The following MYO6 variants were observed in gnomAD, a reference collection of about 807,000 sequenced individuals.
MYO6 encodes the protein myosin VI.
A neutral mutation model predicts 178.7 loss-of-function variants in MYO6; 74 were observed. The observed-to-expected ratio is 0.41, with a 90% CI of 0.34 to 0.50. The LOEUF (loss-of-function observed/expected upper bound fraction) is 0.50, where lower values mean the gene tolerates loss of function less well. Among genes scored for constraint, MYO6 ranks in the 20% least tolerant of loss-of-function variants. The pLI is 0.09. For missense variants in MYO6, 1,330 were observed against 1,547.4 expected, an observed-to-expected ratio of 0.86 and a Z score of 2.36; for synonymous variants, 477 against 504.6, an observed-to-expected ratio of 0.95 and a Z score of 0.73.
chr6:75,841,518 G>A, intron 9 of MYO6, 140 bp downstream of exon 9: 1 of 721,398 alleles, frequency 1.4e-6, no homozygotes, highest in South Asian at 1.9e-5. Flanking sequence ...GCGAGACCCT[G>A]TCTCTAAAAA....
At chr6:75,814,772 T>C (rs1321497401) in intron 1 of MYO6, among the ~76,000 whole-genome samples, 1 of 151,470 alleles carries the variant, frequency 6.6e-6, no homozygotes, top group Admixed American at 6.6e-5. Flanking sequence ...AATAGGAGAA[T>C]GTCTTGAACG....
At chr6:75,773,491 A>G (rs58962413) in intron 1 of MYO6, among the ~76,000 whole-genome samples, 165 of 152,352 alleles carry the variant, frequency 1.1e-3, no homozygotes, top group African/African-American at 3.9e-3. Flanking sequence ...AGAAGGCTTG[A>G]TCTTCAGCTG....
intron 18 of MYO6, among the ~76,000 whole-genome samples, chr6:75,868,007 C>G (rs1247311005): frequency 6.6e-6 from 1 of 152,008 alleles, no homozygotes; most frequent in Non-Finnish European, 1.5e-5. Context: ...TATAATAAAA[C>G]TCTACATTTG....
chr6:75,848,689 G>C (rs6905578), intron 11 of MYO6, among the ~76,000 whole-genome samples, 158 bp downstream of exon 11: 66 of 149,624 alleles, frequency 4.4e-4, no homozygotes, highest in African/African-American at 1.6e-3. Flanking sequence ...AATGAAGAAT[G>C]TTTCATTATC....
At chr6:75,911,588 G>A in intron 32 of MYO6, 84 bp from the exon 33 acceptor site, 1 of 1,207,720 alleles carries the variant, frequency 8.3e-7, no homozygotes, top group East Asian at 2.4e-5. Context: ...CACCTCGATT[G>A]GAAGGCTTTA....
Position 75,822,777 on chromosome 6 carries a change from G to A in MYO6, c.118-5G>A, listed in dbSNP as rs1217392324. 2 of 1,612,698 alleles carry A rather than the reference G, an allele frequency of 1.2e-6. No homozygotes were observed. The highest frequency in any genetic ancestry group is 1.3e-5 in the African/African-American group (1 of 74,978). On this transcript the variant is annotated splice_region_variant and splice_polypyrimidine_tract_variant and intron_variant, in intron 2 of 34. Transcript: ENST00000369977. ...AGTTTAATGAGCATTTGTTTTGCTT[G>A]TTAGACATTTTTGGCTCTCATAAAC...
At chr6:75,880,279 A>C (rs1348595815) in intron 22 of MYO6, among the ~76,000 whole-genome samples, 159 bp downstream of exon 22, 1 of 152,220 alleles carries the variant, frequency 6.6e-6, no homozygotes, top group Non-Finnish European at 1.5e-5. Flanking sequence ...AGAAAAGAAA[A>C]AAAAGTTGAG....
intron 1 of MYO6, among the ~76,000 whole-genome samples, chr6:75,765,520 G>C (rs368643134): frequency 1.9e-4 from 29 of 151,990 alleles, no homozygotes; most frequent in African/African-American, 6.5e-4. Flanking sequence ...ATAAAATTCT[G>C]TAGGGAAGAA....
chr6:75,836,587 CTT>C (rs575271701), intron 7 of MYO6, among the ~76,000 whole-genome samples: 8 of 143,054 alleles, frequency 5.6e-5, no homozygotes, highest in Admixed American at 7.0e-5. Flanking sequence ...TTTTTCTTTT[CTT>C]TTTTTTTTTT....
At chr6:75,894,306 A>G (rs1779126114) in intron 28 of MYO6, among the ~76,000 whole-genome samples, 1 of 152,220 alleles carries the variant, frequency 6.6e-6, no homozygotes, top group Non-Finnish European at 1.5e-5. Flanking sequence ...CTGTAATTTA[A>G]ATTAAGCAGA....
chr6:75,793,346 T>G (rs1170314221), intron 1 of MYO6, among the ~76,000 whole-genome samples: 1 of 152,208 alleles, frequency 6.6e-6, no homozygotes, highest in Non-Finnish European at 1.5e-5. Flanking sequence ...GGCTCACGCT[T>G]GTAATCCCAG....
rs114800028 is a variant in MYO6 at position 75,850,782 on chromosome 6, G to A, written c.1078+2251G>A. On this transcript the variant is annotated intron_variant, in intron 11 of 34. Transcript: ENST00000369977. ...TACCTCATGTTGTAAAGAGGAATAC[G>A]CGAGTTAAATATTTGTAAATGATTT... Among the ~76,000 whole-genome samples the A allele has an allele frequency of 3.3e-3, 502 of 152,152 alleles. 5 individuals are homozygous for A. Among genetic ancestry groups the A allele is most frequent in the African/African-American group, 0.012 (485 of 41,532 alleles).
intron 25 of MYO6, among the ~76,000 whole-genome samples, chr6:75,887,346 T>G (rs1778513871): frequency 1.3e-5 from 2 of 151,980 alleles, no homozygotes; most frequent in Admixed American, 1.3e-4. Flanking sequence ...TCCCTGAAAT[T>G]AAAATAAAAG....
chr6:75,908,860 A>C (rs1439645167), intron 32 of MYO6, among the ~76,000 whole-genome samples: 1 of 152,102 alleles, frequency 6.6e-6, no homozygotes, highest in East Asian at 1.9e-4. Flanking sequence ...TTGAGACAAG[A>C]ATTTTCTTGT....
intron 13 of MYO6, 135 bp from the exon 14 acceptor site, chr6:75,858,767 T>C: frequency 1.6e-6 from 1 of 628,040 alleles, no homozygotes; most frequent in Non-Finnish European, 2.8e-6. Context: ...TTGGGAAGTA[T>C]AGAACAAATA....
intron 1 of MYO6, among the ~76,000 whole-genome samples, chr6:75,781,426 C>T (rs1298970017): frequency 1.3e-5 from 2 of 152,098 alleles, no homozygotes; most frequent in African/African-American, 2.4e-5. Flanking sequence ...TTGTGCACAG[C>T]AGATATGCTA....
intron 1 of MYO6, among the ~76,000 whole-genome samples, chr6:75,750,387 G>C (rs1311789738): frequency 6.6e-6 from 1 of 151,912 alleles, no homozygotes; most frequent in Non-Finnish European, 1.5e-5. Context: ...GAGCCACTGC[G>C]CCTGGCCAAA....
At chr6:75,882,238 T>C (rs1291982857) in intron 23 of MYO6, among the ~76,000 whole-genome samples, 2 of 152,214 alleles carry the variant, frequency 1.3e-5, no homozygotes, top group Admixed American at 6.5e-5. Flanking sequence ...TCCTGTTGAT[T>C]CCTTCTCCAA....
intron 6 of MYO6, among the ~76,000 whole-genome samples, chr6:75,835,599 T>G (rs1209401991): frequency 6.6e-6 from 1 of 152,060 alleles, no homozygotes. Flanking sequence ...GCCTGGCTAA[T>G]TTTTTGTATT....
Sources: allele counts gnomAD v4.1 joint callset (sites outside exome capture counted in the v4.1 genomes callset), GRCh38; gene constraint gnomAD v4.1.1; transcripts MANE v1.5; gene names NCBI Gene and HGNC (gene_info 2026-07-23, HGNC 2026-07-21).